PPARA: variants seen among roughly 807,000 people sequenced by gnomAD.
PPARA encodes peroxisome proliferator activated receptor alpha, also known as peroxisome proliferator-activated receptor alpha.
Under a neutral mutation model 42.2 loss-of-function variants are expected in PPARA, and 22 were observed. That is an observed-to-expected ratio of 0.52 (90% CI 0.37 to 0.74). The LOEUF (loss-of-function observed/expected upper bound fraction) is 0.74. PPARA is among the 30% of genes least tolerant of loss of function. The pLI is 0.00. For missense variants in PPARA, 465 were observed against 608.2 expected, an observed-to-expected ratio of 0.76 and a Z score of 2.48; for synonymous variants, 242 against 239.3, an observed-to-expected ratio of 1.01 and a Z score of -0.10.
At chr22:46,217,260 C>T (rs946949235) in intron 5 of PPARA, among the ~76,000 whole-genome samples, 1 of 152,132 alleles carries the variant, frequency 6.6e-6, no homozygotes, top group Non-Finnish European at 1.5e-5. Flanking sequence ...GCCAAGCAGA[C>T]CCACTGTGGC....
chr22:46,232,057 A>G lies in PPARA; in HGVS notation c.977A>G (p.Asn326Ser), dbSNP rs376285178. The G allele has an allele frequency of 7.4e-6, 12 of 1,614,242 alleles. No individual in the cohort carries two copies. The highest frequency in any genetic ancestry group is 1.0e-5 in the Non-Finnish European group (12 of 1,180,038). ...TTCGCCATGCTGTCTTCTGTGATGA[A>G]CAAAGACGGGATGCTGGTAGCGTAT... ...AIFAMLSSVM[N>S]KDGMLVAYGN... is the part of the protein sequence containing the mutation. The change falls in exon 8 of 9, where the codon AAC becomes AGC. Residue 326 changes from asparagine to serine, a missense_variant. Transcript: ENST00000407236. This position sits in a 1 kb window ranked among gnomAD's most constrained non-coding sequence, Gnocchi z 5.3.
chr22:46,175,679 A>T (rs980025220), intron 2 of PPARA, among the ~76,000 whole-genome samples: 4 of 150,870 alleles, frequency 2.7e-5, no homozygotes, highest in Admixed American at 6.7e-5. Context: ...ACACCACTGC[A>T]CTCCAGACTG....
chr22:46,205,852 G>A (rs920511787), intron 4 of PPARA, among the ~76,000 whole-genome samples: 4 of 151,854 alleles, frequency 2.6e-5, no homozygotes, highest in Admixed American at 1.3e-4. Flanking sequence ...GTTGTAATCC[G>A]TGGTAAAATT....
chr22:46,170,579 T>A (rs1235523488), intron 2 of PPARA, among the ~76,000 whole-genome samples: 1 of 151,408 alleles, frequency 6.6e-6, no homozygotes, highest in Non-Finnish European at 1.5e-5. Context: ...CAGGGAACAA[T>A]GTTCAGAATT....
chr22:46,174,921 T>G (rs1928788897), intron 2 of PPARA, among the ~76,000 whole-genome samples: 1 of 152,110 alleles, frequency 6.6e-6, no homozygotes, highest in African/African-American at 2.4e-5. Flanking sequence ...TTTTTACTTT[T>G]TTTTTTTTGA....
rs1362617520 is a variant in PPARA at position 46,193,679 on chromosome 22, G to A, written c.-42-4663G>A. On this transcript the variant is annotated intron_variant, in intron 3 of 8. Coordinates refer to ENST00000407236, the MANE Select transcript of PPARA (RefSeq NM_005036.6). This position sits in a 1 kb window ranked among gnomAD's most constrained non-coding sequence, Gnocchi z 5.3. ...AAGGTCTCAGGTAAGGAAGGAATGA[G>A]AGGATCATGCAGAACCTCCCATCAT... Among the ~76,000 whole-genome samples the A allele has an allele frequency of 1.3e-5, 2 of 152,176 alleles. No homozygotes were observed. The highest frequency in any genetic ancestry group is 2.9e-5 in the Non-Finnish European group (2 of 68,030).
At position 46,174,917 on chromosome 22, in the gene PPARA, CT is replaced by C. The variant is rs199602689; in HGVS notation, c.-126-1824del. On this transcript the variant is annotated intron_variant, in intron 2 of 8. Coordinates refer to ENST00000407236, the MANE Select transcript of PPARA (RefSeq NM_005036.6). The stretch of plus-strand genomic sequence containing the variant: ...TTTTGGATAATTGTAGTTTTTTTTA[CT>C]TTTTTTTTTTTGAGACAGAGTCTCA... Among the ~76,000 whole-genome samples the C allele has an allele frequency of 8.6e-3, 1,250 of 145,678 alleles. 13 individuals are homozygous for C. Among genetic ancestry groups the C allele is most frequent in the African/African-American group, 0.027 (1,083 of 40,152 alleles).
chr22:46,177,394 G>A (rs1276186267), intron 3 of PPARA, among the ~76,000 whole-genome samples: 1 of 150,456 alleles, frequency 6.6e-6, no homozygotes, highest in African/African-American at 2.5e-5. Context: ...AATCCAGGAG[G>A]CAGAGGTTGC....
At position 46,173,262 on chromosome 22, in the gene PPARA, T is replaced by C. The variant is rs1928373341; in HGVS notation, c.-126-3491T>C. Among the ~76,000 whole-genome samples, 1 of 152,194 alleles carries C rather than the reference T, an allele frequency of 6.6e-6. No individual in the cohort carries two copies. Among genetic ancestry groups the C allele is most frequent in the South Asian group, 2.1e-4 (1 of 4,824 alleles). On this transcript the variant is annotated intron_variant, in intron 2 of 8. Transcript: ENST00000407236. The surrounding 1 kb of genome is among the most constrained non-coding windows in gnomAD (Gnocchi z 4.3). ...TATGTTTTTAGTTTTCTTTTATTTG[T>C]TGTGTTGAATAGGAATGTAGCTCTG...
chr22:46,207,671 ATTATTATTTTTTTT>A (rs1933494285), intron 4 of PPARA, among the ~76,000 whole-genome samples: 1 of 74,434 alleles, frequency 1.3e-5, no homozygotes, highest in African/African-American at 5.5e-5. Context: ...TATTATTATT[ATTATTATTTTTTTT>A]TTTTTTTTTT....
chr22:46,178,540 G>A (rs953682869), intron 3 of PPARA, among the ~76,000 whole-genome samples: 1 of 152,180 alleles, frequency 6.6e-6, no homozygotes, highest in Admixed American at 6.5e-5. Context: ...AGAGCTGAGA[G>A]TCCAGGGAGA....
chr22:46,226,191 CCACA>C (rs1158197075), intron 7 of PPARA, among the ~76,000 whole-genome samples: 1 of 151,578 alleles, frequency 6.6e-6, no homozygotes, highest in African/African-American at 2.4e-5. Flanking sequence ...ACACGCATAC[CCACA>C]CTCACATGTG....
Position 46,187,330 on chromosome 22 carries a change from C to T in PPARA, c.-43+10494C>T, listed in dbSNP as rs1930957541. On this transcript the variant is annotated intron_variant, in intron 3 of 8. Transcript: ENST00000407236. This position sits in a 1 kb window ranked among gnomAD's most constrained non-coding sequence, Gnocchi z 4.9. ...CATGCTCAAAACCTGCCCTCCTTGT[C>T]TTTATATTCCAAATTTCGTGGGTGC... 6.6e-6 allele frequency among the ~76,000 whole-genome samples: 1 copy of T among 152,252 alleles called. No homozygotes were observed. Among genetic ancestry groups the T allele is most frequent in the African/African-American group, 2.4e-5 (1 of 41,472 alleles).
At chr22:46,154,738 T>G (rs1163769117) in intron 2 of PPARA, among the ~76,000 whole-genome samples, 1 of 151,640 alleles carries the variant, frequency 6.6e-6, no homozygotes, top group East Asian at 1.9e-4. Flanking sequence ...AGCTGCATGA[T>G]CACGGCCTAT....
chr22:46,217,901 G>A (rs4253749), intron 5 of PPARA, among the ~76,000 whole-genome samples: 23,827 of 132,314 alleles, frequency 0.18, 2,257 homozygotes, highest in Middle Eastern at 0.3. Flanking sequence ...CACAATCTCA[G>A]CTCACTGCAA....
Position 46,196,306 on chromosome 22 carries a change from T to A in PPARA, c.-42-2036T>A, listed in dbSNP as rs113329110. ...TGGGACTCACCCAGTTAGATTTGTT[T>A]GGACTCCACAAAGTATTCTTGACCA... On this transcript the variant is annotated intron_variant, in intron 3 of 8. Transcript: ENST00000407236. The surrounding 1 kb of genome is among the most constrained non-coding windows in gnomAD (Gnocchi z 5.6). Among the ~76,000 whole-genome samples, 117 of 152,338 alleles carry A rather than the reference T, an allele frequency of 7.7e-4. No homozygotes were observed. Among genetic ancestry groups the A allele is most frequent in the African/African-American group, 2.7e-3 (112 of 41,584 alleles).
rs1191467077 is a variant in PPARA at position 46,195,860 on chromosome 22, G to A, written c.-42-2482G>A. Among the ~76,000 whole-genome samples, 3 of 152,260 alleles carry A rather than the reference G, an allele frequency of 2.0e-5. No homozygotes were observed. Among genetic ancestry groups the A allele is most frequent in the African/African-American group, 7.2e-5 (3 of 41,564 alleles). ...CCATGTGACCATTTTCAGAAAGGAAGACAGTTCTGGAAGCTAAAGGTCACC... is the reference window on the plus strand; with the variant it reads ...CCATGTGACCATTTTCAGAAAGGAAAACAGTTCTGGAAGCTAAAGGTCACC... On this transcript the variant is annotated intron_variant, in intron 3 of 8. Transcript: ENST00000407236. The surrounding 1 kb of genome is among the most constrained non-coding windows in gnomAD (Gnocchi z 4.6).
In PPARA at chr22:46,172,318, T is replaced by TAAA. The variant is rs35328780; in HGVS notation, c.-126-4415_-126-4413dup. Among the ~76,000 whole-genome samples, 117 of 119,556 alleles carry TAAA rather than the reference T, an allele frequency of 9.8e-4. 2 individuals carry two copies. The highest frequency in any genetic ancestry group is 2.9e-3 in the East Asian group (11 of 3,826). The allele number at this position is 119,556 out of a possible 152,430, so 78.4% of individuals were successfully genotyped here. On this transcript the variant is annotated intron_variant, in intron 2 of 8. Transcript: ENST00000407236. Reference sequence around the variant, plus strand: ...AAACCACAGGATGAATGCAAGTAATTAAAAAAAAAAAAAAAAAAAAAACAG... The same window carrying TAAA: ...AAACCACAGGATGAATGCAAGTAATTAAAAAAAAAAAAAAAAAAAAAAAAACAG...
In PPARA at chr22:46,219,538, C is replaced by G. The variant is rs1372887396; in HGVS notation, c.509-274C>G. On this transcript the variant is annotated intron_variant, in intron 6 of 8. Coordinates refer to ENST00000407236, the MANE Select transcript of PPARA (RefSeq NM_005036.6). The surrounding 1 kb of genome is among the most constrained non-coding windows in gnomAD (Gnocchi z 4.8). ...TGATGCACCTGATAGTGGTGTGCAC[C>G]CTACTAATGAGACGAACGATGGTGT... Among the ~76,000 whole-genome samples the G allele has an allele frequency of 6.6e-6, 1 of 152,174 alleles. No individual in the cohort carries two copies. Among genetic ancestry groups the G allele is most frequent in the Non-Finnish European group, 1.5e-5 (1 of 68,038 alleles).
Sources: gnomAD v4.1 joint callset for allele counts (sites outside exome capture counted in the v4.1 genomes callset) on GRCh38, gnomAD v4.1.1 for gene constraint, Gnocchi (gnomAD v3.1) non-coding constraint, MANE v1.5 for transcripts, NCBI Gene and HGNC (gene_info 2026-07-23, HGNC 2026-07-21) for gene names.